The following PLEKHG4B variants were observed in gnomAD, a reference collection of about 807,000 sequenced individuals.
PLEKHG4B encodes pleckstrin homology domain-containing family G member 4B.
Under a neutral mutation model 121.3 loss-of-function variants are expected in PLEKHG4B, and 111 were observed. The observed-to-expected ratio is 0.92, with a 90% CI of 0.78 to 1.07. The LOEUF is 1.07. PLEKHG4B is among the 50% of genes least tolerant of loss of function. The pLI is 0.00. For missense variants in PLEKHG4B, 1,831 were observed against 1,757.8 expected, an observed-to-expected ratio of 1.04 and a Z score of -0.74; for synonymous variants, 738 against 725.0, an observed-to-expected ratio of 1.02 and a Z score of -0.29.
In PLEKHG4B at chr5:98,837, CTTTTTTT is replaced by C. The variant is rs925964165; in HGVS notation, c.45+6574_45+6580del. 3.9e-3 allele frequency among the ~76,000 whole-genome samples: 308 copies of C among 79,234 alleles called. 1 individual carries two copies. Among genetic ancestry groups the C allele is most frequent in the Middle Eastern group, 7.9e-3 (1 of 126 alleles). The allele number at this position is 79,234 out of a possible 152,430, so 52.0% of individuals were successfully genotyped here. On this transcript the variant is annotated intron_variant, in intron 1 of 19. Transcript: ENST00000637938. ...TCTGAGTATTCCAACTTGAATTTTCCTTTTTTTTTTTTTTTTTTTCAAAAAAAATTTT... is the reference window on the plus strand; with the variant it reads ...TCTGAGTATTCCAACTTGAATTTTCCTTTTTTTTTTTTCAAAAAAAATTTT...
chr5:183,999 A>AGAT lies in PLEKHG4B; in HGVS notation c.*1677_*1679dup, dbSNP rs1491449829. The stretch of plus-strand genomic sequence containing the variant: ...TAGATAGATAGATAGATCGATAGAT[A>AGAT]GATAGATAGATAGATAGATAGATAG... On this transcript the variant is annotated 3_prime_UTR_variant, in exon 20 of 20. Transcript: ENST00000637938. The AGAT allele has an allele frequency of 1.5e-5, 2 of 131,510 alleles. No individual in the cohort carries two copies. The highest frequency in any genetic ancestry group is 7.2e-5 in the Admixed American group (1 of 13,906). The allele number at this position is 131,510 out of a possible 1,614,324, so 8.1% of individuals were successfully genotyped here. A position where few individuals can be genotyped will look rare whatever the true frequency, so the allele number is the denominator to read the frequency against.
Position 155,016 on chromosome 5 carries a change from A to G in PLEKHG4B, c.2109+25A>G, listed in dbSNP as rs1281040289. ...GGTAGGTTCAGCCTGCAGCTGCTGC[A>G]CATGCGACAGTCTCTGGGGACTTTC... On this transcript the variant is annotated intron_variant, in intron 8 of 19. Coordinates refer to ENST00000637938, the MANE Select transcript of PLEKHG4B (RefSeq NM_052909.5). 7 of 1,567,158 alleles carry G rather than the reference A, an allele frequency of 4.5e-6. No individual in the cohort carries two copies. The South Asian group carries it at 7.8e-5, about 17-fold the overall frequency.
At chr5:143,277 C>G (rs762831347) in intron 4 of PLEKHG4B, 21 bp downstream of exon 4, 1 of 1,609,446 alleles carries the variant, frequency 6.2e-7, no homozygotes. Context: ...ATGCCAGGCT[C>G]TCCTGTCAGG....
At chr5:143,571 G>A (rs1329674183) in intron 5 of PLEKHG4B, 68 bp downstream of exon 5, 8 of 1,575,576 alleles carry the variant, frequency 5.1e-6, no homozygotes, top group Non-Finnish European at 6.9e-6. Context: ...GTGGCAAAGT[G>A]GGGGGCACGG....
chr5:108,401 C>T (rs921900612), intron 1 of PLEKHG4B, among the ~76,000 whole-genome samples: 1 of 152,200 alleles, frequency 6.6e-6, no homozygotes, highest in Non-Finnish European at 1.5e-5. Flanking sequence ...TCAGCATCTC[C>T]AGCGGAGAGG....
chr5:173,988 G>A lies in PLEKHG4B; in HGVS notation c.4292G>A (p.Arg1431Gln), dbSNP rs185255672. The A allele has an allele frequency of 2.4e-4, 388 of 1,612,266 alleles. 2 individuals are homozygous for A. The highest frequency in any genetic ancestry group is 2.9e-4 in the Non-Finnish European group (347 of 1,179,448). ...AGGTTTGAGATTTGGTTTCGCAGGC[G>A]GCGGAAATCTCAGGACACCTACATT... ...GLRFEIWFRRRRKSQDTYILQ... is the reference protein window; with the variant it reads ...GLRFEIWFRRQRKSQDTYILQ... The change falls in exon 18 of 20, where the codon CGG (arginine) becomes CAG (glutamine). Residue 1431 changes from arginine (R) to glutamine (Q), a missense_variant. Physicochemically the swap from Arg to Gln is conservative, Grantham distance 43. Transcript: ENST00000637938.
At position 184,612 on chromosome 5, in the gene PLEKHG4B, A is replaced by T. The variant is rs935420584; in HGVS notation, c.*2289A>T. ...AAGAAAAATGAAGAGCATGTGCACC[A>T]TCCAGGATTTTCCTCGTTATTTAAA... On this transcript the variant is annotated 3_prime_UTR_variant, in exon 20 of 20. Transcript: ENST00000637938. 1 of 152,262 alleles carries T rather than the reference A, an allele frequency of 6.6e-6. No individual in the cohort carries two copies. Among genetic ancestry groups the T allele is most frequent in the Non-Finnish European group, 1.5e-5 (1 of 68,042 alleles). The allele number at this position is 152,262 out of a possible 1,614,324, so 9.4% of individuals were successfully genotyped here.
chr5:109,866 TGCA>T (rs1268468700), intron 1 of PLEKHG4B, among the ~76,000 whole-genome samples: 1 of 152,218 alleles, frequency 6.6e-6, no homozygotes, highest in Non-Finnish European at 1.5e-5. Flanking sequence ...CCAGCTGCTC[TGCA>T]GCACACGTGC....
rs182225202 is a variant in PLEKHG4B at position 153,152 on chromosome 5, A to G, written c.1992+1553A>G. ...ATGGATTTTAAAATATATTTTCTAC[A>G]TCTCTCCTGAGTTTTCCTCTCCTTT... is the stretch of plus-strand genomic sequence containing the variant. On this transcript the variant is annotated intron_variant, in intron 7 of 19. Transcript: ENST00000637938. 7.8e-4 allele frequency among the ~76,000 whole-genome samples: 119 copies of G among 152,288 alleles called. 2 individuals are homozygous for G. The East Asian group carries it at 0.019, about 24-fold the overall frequency.
chr5:101,668 C>T (rs368659516), intron 1 of PLEKHG4B, among the ~76,000 whole-genome samples: 230 of 92,232 alleles, frequency 2.5e-3, no homozygotes, highest in African/African-American at 7.1e-3. Flanking sequence ...CTGGAAAAAG[C>T]CTGTAGGGGA....
chr5:169,509 G>C lies in PLEKHG4B; in HGVS notation c.3646G>C (p.Asp1216His), dbSNP rs753179496. ...VIFGNLEKLH[D>H]FHQQHFLREL... ...TTTCGGCAACTTGGAGAAGCTCCACGACTTCCACCAGCAGCACTTCCTCCG... is the reference window on the plus strand; with the variant it reads ...TTTCGGCAACTTGGAGAAGCTCCACCACTTCCACCAGCAGCACTTCCTCCG... Residue 1216 changes from aspartate (D) to histidine (H), a missense_variant, in exon 14 of 20, where the codon GAC becomes CAC. By Grantham distance (81) the Asp-to-His change is moderately conservative (BLOSUM62 -1). Transcript: ENST00000637938. 1 of 1,614,148 alleles carries C rather than the reference G, an allele frequency of 6.2e-7. No homozygotes were observed. The highest frequency in any genetic ancestry group is 8.5e-7 in the Non-Finnish European group (1 of 1,180,048).
chr5:94,616 G>T (rs10040289), intron 1 of PLEKHG4B, among the ~76,000 whole-genome samples: 1 of 119,184 alleles, frequency 8.4e-6, no homozygotes, highest in Non-Finnish European at 1.8e-5. Flanking sequence ...GTTGAGAGGT[G>T]GCAGGTTCCA....
chr5:145,874 G>A (rs59720056), intron 6 of PLEKHG4B, among the ~76,000 whole-genome samples: 31,662 of 151,978 alleles, frequency 0.21, 4,952 homozygotes, highest in African/African-American at 0.44. Context: ...AACCCATTTC[G>A]CCCTTGCTGT....
At position 184,343 on chromosome 5, in the gene PLEKHG4B, A is replaced by G. The variant is rs1733547399; in HGVS notation, c.*2020A>G. The G allele has an allele frequency of 6.6e-6, 1 of 152,264 alleles. No homozygotes were observed. The highest frequency in any genetic ancestry group is 1.5e-5 in the Non-Finnish European group (1 of 68,056). 9.4% of individuals were successfully genotyped at this position (152,264 alleles called of 1,614,324 possible). A position where few individuals can be genotyped will look rare whatever the true frequency, so the allele number is the denominator to read the frequency against. ...AACAGAAAATCCTAAAACCAGTCAGAGGACAAGGGCATGTTCTGTTGGGAG... is the reference window on the plus strand; with the variant it reads ...AACAGAAAATCCTAAAACCAGTCAGGGGACAAGGGCATGTTCTGTTGGGAG... On this transcript the variant is annotated 3_prime_UTR_variant, in exon 20 of 20. Transcript: ENST00000637938.
At chr5:161,587 A>T (rs62344138) in intron 11 of PLEKHG4B, among the ~76,000 whole-genome samples, 196 bp from the exon 12 acceptor site, 1 of 112,362 alleles carries the variant, frequency 8.9e-6, no homozygotes, top group African/African-American at 3.0e-5. Context: ...GTGTAGATCA[A>T]ATCATAGTTT....
chr5:153,621 C>T (rs771888257), intron 7 of PLEKHG4B, among the ~76,000 whole-genome samples: 11 of 152,322 alleles, frequency 7.2e-5, no homozygotes, highest in East Asian at 1.9e-4. Context: ...CACCCCACCC[C>T]GTCCTCTGTT....
chr5:114,626 T>G (rs1487187253), intron 2 of PLEKHG4B, among the ~76,000 whole-genome samples: 1 of 152,104 alleles, frequency 6.6e-6, no homozygotes, highest in Non-Finnish European at 1.5e-5. Context: ...CCTGGCTGAT[T>G]TTTGTGTTTT....
Position 140,606 on chromosome 5 carries a change from A to C in PLEKHG4B, c.1367A>C (p.His456Pro). The C allele has an allele frequency of 6.2e-7, 1 of 1,610,760 alleles. No individual in the cohort carries two copies. The highest frequency in any genetic ancestry group is 8.5e-7 in the Non-Finnish European group (1 of 1,178,956). Residue 456 changes from histidine (H) to proline (P), a missense_variant, in exon 3 of 20, where the codon CAC becomes CCC. Physicochemically the swap from His to Pro is moderately conservative, Grantham distance 77. Coordinates refer to ENST00000637938, the MANE Select transcript of PLEKHG4B (RefSeq NM_052909.5). ...AGAGGGGCCCAGGCTGCAGCCTGCCACACCTCCCACCACTCAGCAGGCTCC... is the reference window on the plus strand; with the variant it reads ...AGAGGGGCCCAGGCTGCAGCCTGCCCCACCTCCCACCACTCAGCAGGCTCC... ...SSRGAQAAAC[H>P]TSHHSAGSRP...
chr5:95,789 C>T (rs1452563588), intron 1 of PLEKHG4B, among the ~76,000 whole-genome samples: 4 of 152,008 alleles, frequency 2.6e-5, no homozygotes, highest in Non-Finnish European at 5.9e-5. Context: ...ACTACCAACC[C>T]TTCTAGTGTC....
Sources: gnomAD v4.1 joint callset for allele counts (sites outside exome capture counted in the v4.1 genomes callset) on GRCh38, gnomAD v4.1.1 for gene constraint, MANE v1.5 for transcripts, NCBI Gene and HGNC (gene_info 2026-07-23, HGNC 2026-07-21) for gene names.